Variants in KCNMB4 observed in about 807,000 individuals in gnomAD.
The protein encoded by KCNMB4 is potassium calcium-activated channel subfamily M regulatory beta subunit 4.
KCNMB4 carries 3 observed loss-of-function variants against 20.7 expected under a neutral mutation model. The observed-to-expected ratio is 0.14, with a 90% CI of 0.07 to 0.37. The LOEUF is 0.37. Among genes scored for constraint, KCNMB4 ranks in the 10% least tolerant of loss-of-function variants. The pLI is 1.00. For synonymous variants in KCNMB4, 110 were observed against 113.4 expected (o/e 0.97, Z 0.19); for missense variants, 168 against 265.9 (o/e 0.63, Z 2.56).
chr12:70,374,809 T>C lies in KCNMB4; in HGVS notation c.336+7739T>C, dbSNP rs576723912. On this transcript the variant is annotated intron_variant, in intron 1 of 2. Transcript: ENST00000258111. The stretch of plus-strand genomic sequence containing the variant: ...ATCAAATGGACTTTGAAACCTCATC[T>C]AATGTCCAGTTTACTGGTTTTAATC... Among the ~76,000 whole-genome samples, 23 of 152,314 alleles carry C rather than the reference T, an allele frequency of 1.5e-4. No homozygotes were observed. The South Asian group carries it at 4.3e-3, about 29-fold the overall frequency.
intron 1 of KCNMB4, among the ~76,000 whole-genome samples, chr12:70,375,880 A>T (rs1335982498): frequency 6.6e-6 from 1 of 152,104 alleles, no homozygotes; most frequent in Non-Finnish European, 1.5e-5. Context: ...TTTATACAGG[A>T]TATATGTCTG....
At chr12:70,422,712 G>A in intron 2 of KCNMB4, 8 of 1,289,148 alleles carry the variant, frequency 6.2e-6, no homozygotes, top group Non-Finnish European at 8.1e-6. Flanking sequence ...TGCAGGTCTT[G>A]ATGATTACCC....
chr12:70,412,109 A>G (rs1868795236), intron 2 of KCNMB4, among the ~76,000 whole-genome samples: 1 of 152,206 alleles, frequency 6.6e-6, no homozygotes, highest in Non-Finnish European at 1.5e-5. Flanking sequence ...AGAGAAGTAC[A>G]TGATGCTTGA....
At chr12:70,400,563 G>A (rs1868423676) in intron 2 of KCNMB4, among the ~76,000 whole-genome samples, 1 of 152,164 alleles carries the variant, frequency 6.6e-6, no homozygotes, top group Admixed American at 6.5e-5. Context: ...CTTTAGGTAG[G>A]AACATTACTT....
At chr12:70,407,911 A>G (rs1868656451) in intron 2 of KCNMB4, among the ~76,000 whole-genome samples, 1 of 152,052 alleles carries the variant, frequency 6.6e-6, no homozygotes, top group African/African-American at 2.4e-5. Context: ...TTCTCCTCTC[A>G]CCCCGACTAC....
chr12:70,402,684 G>GA (rs903691051), intron 2 of KCNMB4, among the ~76,000 whole-genome samples: 1 of 138,286 alleles, frequency 7.2e-6, no homozygotes, highest in Non-Finnish European at 1.6e-5. Flanking sequence ...AAGGAAGAAA[G>GA]AAAAAAATGA....
intron 1 of KCNMB4, among the ~76,000 whole-genome samples, chr12:70,396,916 A>G (rs1868358450): frequency 6.6e-6 from 1 of 152,226 alleles, no homozygotes; most frequent in Non-Finnish European, 1.5e-5. Flanking sequence ...TAATTTATGT[A>G]AAAATTCTGG....
At chr12:70,418,577 G>C (rs1868969834) in intron 2 of KCNMB4, among the ~76,000 whole-genome samples, 1 of 152,244 alleles carries the variant, frequency 6.6e-6, no homozygotes, top group Admixed American at 6.5e-5. Context: ...AGATTTTGAA[G>C]ATTTTGAGAC....
At chr12:70,370,452 C>T (rs1404735574) in intron 1 of KCNMB4, among the ~76,000 whole-genome samples, 2 of 151,694 alleles carry the variant, frequency 1.3e-5, no homozygotes, top group South Asian at 2.1e-4. Flanking sequence ...GGACTACAGG[C>T]GCCCACCACC....
At chr12:70,405,150 ACTACAT>A (rs1424434870) in intron 2 of KCNMB4, among the ~76,000 whole-genome samples, 3 of 152,186 alleles carry the variant, frequency 2.0e-5, no homozygotes, top group Non-Finnish European at 4.4e-5. Flanking sequence ...TTTGCCATGG[ACTACAT>A]CATACTAAAT....
At chr12:70,394,229 G>A (rs374982617) in intron 1 of KCNMB4, among the ~76,000 whole-genome samples, 4 of 148,332 alleles carry the variant, frequency 2.7e-5, no homozygotes, top group African/African-American at 7.6e-5. Flanking sequence ...AAGGGCAGGA[G>A]AGCTGTTAAT....
At chr12:70,424,933 G>A (rs1393112946) in intron 2 of KCNMB4, among the ~76,000 whole-genome samples, 1 of 152,074 alleles carries the variant, frequency 6.6e-6, no homozygotes, top group Admixed American at 6.6e-5. Context: ...TAGACACACT[G>A]GCTAATTACT....
chr12:70,378,139 A>G (rs994137559), intron 1 of KCNMB4, among the ~76,000 whole-genome samples: 5 of 151,972 alleles, frequency 3.3e-5, no homozygotes, highest in African/African-American at 4.8e-5. Flanking sequence ...TATTGGTAGT[A>G]GAGACAGGGT....
At position 70,373,520 on chromosome 12, in the gene KCNMB4, A is replaced by G. The variant is rs182412179; in HGVS notation, c.336+6450A>G. 5.0e-4 allele frequency among the ~76,000 whole-genome samples: 76 copies of G among 152,372 alleles called. 1 individual carries two copies. Among genetic ancestry groups the G allele is most frequent in the Admixed American group, 4.1e-3 (63 of 15,292 alleles). On this transcript the variant is annotated intron_variant, in intron 1 of 2. Coordinates refer to ENST00000258111, the MANE Select transcript of KCNMB4 (RefSeq NM_014505.6). The stretch of plus-strand genomic sequence containing the variant: ...CCGCTAGGCATTCAGAAGAGAACGC[A>G]GCCTGGCATCTTGGTTTTAGCCCAG...
chr12:70,378,880 C>T (rs542738371), intron 1 of KCNMB4, among the ~76,000 whole-genome samples: 38 of 152,288 alleles, frequency 2.5e-4, no homozygotes, highest in African/African-American at 8.9e-4. Flanking sequence ...GTCGAACTTA[C>T]TCCCTGATCC....
At chr12:70,407,136 G>T (rs1042997564) in intron 2 of KCNMB4, among the ~76,000 whole-genome samples, 2 of 152,204 alleles carry the variant, frequency 1.3e-5, no homozygotes, top group African/African-American at 4.8e-5. Context: ...TCTAAGTCAG[G>T]GGTTCCCACA....
intron 2 of KCNMB4, among the ~76,000 whole-genome samples, chr12:70,407,975 C>T (rs903778348): frequency 2.6e-5 from 4 of 152,244 alleles, no homozygotes; most frequent in Non-Finnish European, 5.9e-5. Flanking sequence ...GGGCAGAGAC[C>T]AAATACAAAT....
chr12:70,408,890 C>T (rs758481957), intron 2 of KCNMB4, among the ~76,000 whole-genome samples: 7 of 152,124 alleles, frequency 4.6e-5, no homozygotes, highest in Admixed American at 1.3e-4. Context: ...ACCCCCTTAA[C>T]GAGTATACTT....
chr12:70,402,452 G>A (rs143298722), intron 2 of KCNMB4, among the ~76,000 whole-genome samples: 1,625 of 151,986 alleles, frequency 0.011, 26 homozygotes, highest in African/African-American at 0.037. Flanking sequence ...AGGCCAGCCT[G>A]GGCAGCGTAG....
Sources: gnomAD v4.1 joint callset for allele counts (sites outside exome capture counted in the v4.1 genomes callset) on GRCh38, gnomAD v4.1.1 for gene constraint, MANE v1.5 for transcripts, NCBI Gene and HGNC (gene_info 2026-07-23, HGNC 2026-07-21) for gene names.